RC3H1: variants seen among roughly 807,000 people sequenced by gnomAD.
RC3H1 encodes ring finger and CCCH-type domains 1.
Under a neutral mutation model 138.2 loss-of-function variants are expected in RC3H1, and 50 were observed. The observed-to-expected ratio is 0.36, with a 90% CI of 0.29 to 0.46. The LOEUF is 0.46. Ranked by LOEUF, RC3H1 falls within the 20% of genes least tolerant of loss-of-function variation. The pLI is 1.00. For missense variants in RC3H1, 1,031 were observed against 1,388.1 expected (o/e 0.74, Z 4.09); for synonymous variants, 462 against 489.1 (o/e 0.94, Z 0.73).
intron 9 of RC3H1, among the ~76,000 whole-genome samples, chr1:173,968,786 T>C (rs183775602): frequency 3.2e-4 from 49 of 152,230 alleles, no homozygotes; most frequent in Middle Eastern, 3.4e-3. Context: ...TTATGTTGGC[T>C]TCTGATTTAT....
At position 173,936,730 on chromosome 1, in the gene RC3H1, C is replaced by CATAT. The variant is rs1210669077; in HGVS notation, c.*1987_*1990dup. ...AGCCAAAAAAAAAAGAAAAAGCATA[C>CATAT]ATATATATATATATATATATATATA... On this transcript the variant is annotated 3_prime_UTR_variant, in exon 20 of 20. Coordinates refer to ENST00000367696, the MANE Select transcript of RC3H1 (RefSeq NM_172071.4). The CATAT allele has an allele frequency of 7.3e-4, 34 of 46,782 alleles. No homozygotes were observed. Among genetic ancestry groups the CATAT allele is most frequent in the East Asian group, 3.9e-3 (7 of 1,810 alleles). The allele number at this position is 46,782 out of a possible 1,614,324, so 2.9% of individuals were successfully genotyped here.
intron 1 of RC3H1, among the ~76,000 whole-genome samples, chr1:174,003,847 G>C (rs1268090476): frequency 6.6e-6 from 1 of 151,544 alleles, no homozygotes; most frequent in Non-Finnish European, 1.5e-5. Flanking sequence ...ATTTTTAGTA[G>C]AGACGGGGTT....
intron 13 of RC3H1, among the ~76,000 whole-genome samples, chr1:173,953,414 G>GGTGC (rs988113500): frequency 6.6e-6 from 1 of 151,976 alleles, no homozygotes; most frequent in African/African-American, 2.4e-5. Flanking sequence ...TGGGATTACA[G>GGTGC]GTGCATACCT....
In RC3H1 at chr1:173,984,715, T is replaced by A. The variant is rs914508385; in HGVS notation, c.232-96A>T. The A allele has an allele frequency of 4.9e-6, 6 of 1,219,632 alleles. No homozygotes were observed. The African/African-American group carries it at 6.1e-5, about 12-fold the overall frequency. 75.6% of individuals were successfully genotyped at this position (1,219,632 alleles called of 1,614,324 possible). A position where few individuals can be genotyped will look rare whatever the true frequency, so the allele number is the denominator to read the frequency against. ...ACTCATAATGCTGACACTGGTAACA[T>A]CAAAACGCCCACTAAATTTACTGAA... On this transcript the variant is annotated intron_variant, in intron 2 of 19. Coordinates refer to ENST00000367696, the MANE Select transcript of RC3H1 (RefSeq NM_172071.4).
At chr1:173,988,248 G>A (rs867681870) in intron 2 of RC3H1, among the ~76,000 whole-genome samples, 25 of 152,196 alleles carry the variant, frequency 1.6e-4, no homozygotes, top group African/African-American at 4.8e-4. Context: ...CCCTACTCCT[G>A]AATCCATGGC....
At chr1:173,988,739 TTTTAA>T (rs1177448010) in intron 2 of RC3H1, among the ~76,000 whole-genome samples, 1 of 152,232 alleles carries the variant, frequency 6.6e-6, no homozygotes, top group African/African-American at 2.4e-5. Flanking sequence ...ATTTTGGCCA[TTTTAA>T]TTTGTGTGTA....
chr1:173,940,276 A>AGG (rs1658790058), intron 19 of RC3H1, among the ~76,000 whole-genome samples: 1 of 152,154 alleles, frequency 6.6e-6, no homozygotes, highest in Non-Finnish European at 1.5e-5. Flanking sequence ...GTTTCAGACC[A>AGG]GCCTGACCAA....
chr1:173,994,283 C>G (rs1019289049), intron 1 of RC3H1, among the ~76,000 whole-genome samples: 2 of 151,772 alleles, frequency 1.3e-5, no homozygotes, highest in Non-Finnish European at 2.9e-5. Context: ...ATCCCAGGAA[C>G]TCGGGAAGCT....
chr1:173,947,285 C>T (rs1659174408), intron 15 of RC3H1, 84 bp downstream of exon 15: 2 of 913,070 alleles, frequency 2.2e-6, no homozygotes, highest in South Asian at 1.4e-5. Flanking sequence ...TTACTAAAAA[C>T]ACTGATAGTA....
intron 14 of RC3H1, among the ~76,000 whole-genome samples, chr1:173,948,353 C>A (rs558974437): frequency 6.6e-6 from 1 of 152,170 alleles, no homozygotes; most frequent in East Asian, 1.9e-4. Context: ...TTCTATTTCA[C>A]AGATGAAATG....
At position 173,938,879 on chromosome 1, in the gene RC3H1, C is replaced by T. The variant is rs1658708306; in HGVS notation, c.3252-8G>A. ...GATCCATTTGGTACATCACTGCTGA[C>T]ATTTTAAAATTTTGAAAAAGGAGAG... On this transcript the variant is annotated splice_region_variant and splice_polypyrimidine_tract_variant and intron_variant, in intron 19 of 19. Coordinates refer to ENST00000367696, the MANE Select transcript of RC3H1 (RefSeq NM_172071.4). 1 of 1,572,884 alleles carries T rather than the reference C, an allele frequency of 6.4e-7. No homozygotes were observed. Among genetic ancestry groups the T allele is most frequent in the Non-Finnish European group, 8.6e-7 (1 of 1,160,300 alleles).
chr1:173,979,474 C>A (rs867154448), intron 6 of RC3H1, among the ~76,000 whole-genome samples: 1 of 152,106 alleles, frequency 6.6e-6, no homozygotes, highest in Non-Finnish European at 1.5e-5. Context: ...GGTGAAACCC[C>A]GTCTCTACTA....
At chr1:173,950,727 A>G (rs1267320361) in intron 14 of RC3H1, among the ~76,000 whole-genome samples, 2 of 152,086 alleles carry the variant, frequency 1.3e-5, no homozygotes, top group Non-Finnish European at 2.9e-5. Flanking sequence ...TTTCTTTAAA[A>G]AATAAAAAGG....
At chr1:173,940,645 TC>T (rs1193221919) in intron 19 of RC3H1, among the ~76,000 whole-genome samples, 2 of 128,040 alleles carry the variant, frequency 1.6e-5, no homozygotes, top group African/African-American at 9.7e-5. Flanking sequence ...TTTTGTTTTT[TC>T]TTTTTTTTTA....
intron 1 of RC3H1, among the ~76,000 whole-genome samples, chr1:174,004,463 G>C (rs1011238292): frequency 6.6e-6 from 1 of 151,926 alleles, no homozygotes; most frequent in African/African-American, 2.4e-5. Flanking sequence ...ATCCTATATA[G>C]GTTAGCAAAT....
Position 173,998,983 on chromosome 1 carries a change from A to G in RC3H1, c.-150-5848T>C, listed in dbSNP as rs1233167774. 2.0e-5 allele frequency among the ~76,000 whole-genome samples: 3 copies of G among 151,726 alleles called. No homozygotes were observed. The East Asian group carries it at 5.8e-4, about 29-fold the overall frequency. Reference sequence around the variant, plus strand: ...GTGGCACGTACTTGTAGTCCCAGCTACTCAGGAGGCTGAGGTGGGAGGTAT... The same window carrying G: ...GTGGCACGTACTTGTAGTCCCAGCTGCTCAGGAGGCTGAGGTGGGAGGTAT... On this transcript the variant is annotated intron_variant, in intron 1 of 19. Coordinates refer to ENST00000367696, the MANE Select transcript of RC3H1 (RefSeq NM_172071.4).
intron 1 of RC3H1, among the ~76,000 whole-genome samples, chr1:174,012,318 T>C (rs772696569): frequency 2.0e-5 from 3 of 152,172 alleles, no homozygotes; most frequent in Non-Finnish European, 4.4e-5. Flanking sequence ...AATTTCCTCA[T>C]TTTAGTTTCT....
At chr1:174,007,205 C>T (rs1448708959) in intron 1 of RC3H1, among the ~76,000 whole-genome samples, 1 of 152,004 alleles carries the variant, frequency 6.6e-6, no homozygotes, top group Non-Finnish European at 1.5e-5. Context: ...CTGGCTAACA[C>T]GGGGAAACAC....
At chr1:173,990,056 G>A (rs7550107) in intron 2 of RC3H1, among the ~76,000 whole-genome samples, 18,719 of 151,324 alleles carry the variant, frequency 0.12, 3,896 homozygotes, top group African/African-American at 0.43. Flanking sequence ...TTTAAACAAC[G>A]ATTTGTAGTC....
Sources: allele counts gnomAD v4.1 joint callset (sites outside exome capture counted in the v4.1 genomes callset), GRCh38; gene constraint gnomAD v4.1.1; transcripts MANE v1.5; gene names NCBI Gene and HGNC (gene_info 2026-07-23, HGNC 2026-07-21).